Variants in GABRB3 observed in about 807,000 individuals in gnomAD.
GABRB3 encodes gamma-aminobutyric acid receptor subunit beta-3.
A neutral mutation model predicts 52.1 loss-of-function variants in GABRB3; 14 were observed. The observed-to-expected ratio is 0.27, with a 90% confidence interval of 0.18 to 0.42. GABRB3 has a LOEUF of 0.42. Among genes scored for constraint, GABRB3 ranks in the 10% least tolerant of loss-of-function variants. The pLI, the probability that GABRB3 is intolerant of heterozygous loss-of-function variation, is 1.00. For missense variants in GABRB3, 307 were observed against 609.1 expected (o/e 0.50, Z 5.22); for synonymous variants, 260 against 232.3 (o/e 1.12, Z -1.08).
intron 3 of GABRB3, among the ~76,000 whole-genome samples, chr15:26,710,364 T>A (rs1889254089): frequency 6.6e-6 from 1 of 152,142 alleles, no homozygotes; most frequent in South Asian, 2.1e-4. Flanking sequence ...CAGGTTCAAA[T>A]GATTCTTCTG....
chr15:26,575,366 G>A (rs1408922382), intron 6 of GABRB3, among the ~76,000 whole-genome samples: 4 of 152,186 alleles, frequency 2.6e-5, no homozygotes, highest in African/African-American at 4.8e-5. Context: ...CGGCTAGGAA[G>A]CACAGGTGAA....
chr15:26,633,970 G>T (rs929751527), intron 3 of GABRB3, among the ~76,000 whole-genome samples: 1 of 152,202 alleles, frequency 6.6e-6, no homozygotes, highest in Non-Finnish European at 1.5e-5. Flanking sequence ...TCTCTAACTC[G>T]CTCAGTCAGG....
intron 3 of GABRB3, among the ~76,000 whole-genome samples, chr15:26,704,240 T>G (rs1197621364): frequency 6.6e-6 from 1 of 152,212 alleles, no homozygotes; most frequent in Non-Finnish European, 1.5e-5. Flanking sequence ...GTCTGGGAAG[T>G]GCTGTGCCAG....
intron 3 of GABRB3, chr15:26,642,664 C>T (rs1042122776): frequency 2.7e-5 from 11 of 411,794 alleles, no homozygotes; most frequent in African/African-American, 1.0e-4. Flanking sequence ...TGTACCCCCC[C>T]GCACACACAC....
At chr15:26,627,719 AAG>A (rs1892761323) in intron 3 of GABRB3, among the ~76,000 whole-genome samples, 1 of 152,180 alleles carries the variant, frequency 6.6e-6, no homozygotes, top group African/African-American at 2.4e-5. Flanking sequence ...TGGATGAGCA[AAG>A]AGTGGTTTCT....
intron 3 of GABRB3, among the ~76,000 whole-genome samples, chr15:26,694,591 C>T (rs1595534619): frequency 6.6e-6 from 1 of 152,234 alleles, no homozygotes; most frequent in East Asian, 1.9e-4. Flanking sequence ...AAATATAAAG[C>T]CTCACTCTAA....
intron 3 of GABRB3, among the ~76,000 whole-genome samples, chr15:26,672,048 G>GT (rs2140632729): frequency 6.6e-6 from 1 of 152,152 alleles, no homozygotes; most frequent in Admixed American, 6.5e-5. Context: ...TATCCTTCTT[G>GT]TTTTTTCTTA....
In GABRB3 at chr15:26,648,826, C is replaced by T. The variant is rs35774619; in HGVS notation, c.241-27292G>A. ...TGATGGGGAAGGAAAGAACTGACAG[C>T]GGCTGGGATTTTGAGCAGCAGGTGG... is the stretch of plus-strand genomic sequence containing the variant. On this transcript the variant is annotated intron_variant, in intron 3 of 8. Transcript: ENST00000311550. Among the ~76,000 whole-genome samples, 592 of 152,176 alleles carry T rather than the reference C, an allele frequency of 3.9e-3. 3 individuals are homozygous for T. Among genetic ancestry groups the T allele is most frequent in the Non-Finnish European group, 4.9e-3 (335 of 67,996 alleles).
intron 3 of GABRB3, among the ~76,000 whole-genome samples, chr15:26,716,979 C>G (rs561522229): frequency 5.0e-5 from 7 of 139,178 alleles, no homozygotes; most frequent in Admixed American, 2.1e-4. Flanking sequence ...GACAGCCCAG[C>G]TCTGGGGACA....
chr15:26,570,827 T>C (rs912135469), intron 6 of GABRB3, among the ~76,000 whole-genome samples: 3 of 152,126 alleles, frequency 2.0e-5, no homozygotes, highest in Non-Finnish European at 2.9e-5. Flanking sequence ...ATTCATATTA[T>C]TATAATTATA....
At position 26,631,294 on chromosome 15, in the gene GABRB3, C is replaced by T. The variant is rs562799034; in HGVS notation, c.241-9760G>A. On this transcript the variant is annotated intron_variant, in intron 3 of 8. Coordinates refer to ENST00000311550, the MANE Select transcript of GABRB3 (RefSeq NM_000814.6). ...GATGAATTGCAGTAAGACATATAAA[C>T]AACAAAGTTTCTTCCTGCTTTTGCA... Among the ~76,000 whole-genome samples, 4 of 152,194 alleles carry T rather than the reference C, an allele frequency of 2.6e-5. No homozygotes were observed. In the South Asian group the frequency reaches 8.3e-4, roughly 31 times the overall value.
At chr15:26,655,712 A>G (rs1595511711) in intron 3 of GABRB3, among the ~76,000 whole-genome samples, 2 of 151,096 alleles carry the variant, frequency 1.3e-5, no homozygotes, top group Admixed American at 1.3e-4. Context: ...ACTGCACTCC[A>G]GCCTGGGTGA....
At chr15:26,648,177 A>G (rs1887073340) in intron 3 of GABRB3, among the ~76,000 whole-genome samples, 1 of 151,746 alleles carries the variant, frequency 6.6e-6, no homozygotes, top group African/African-American at 2.4e-5. Flanking sequence ...GGCCACCTCC[A>G]TTCTCCTTTC....
intron 8 of GABRB3, among the ~76,000 whole-genome samples, chr15:26,554,302 T>A (rs1229863414): frequency 6.8e-6 from 1 of 147,888 alleles, no homozygotes; most frequent in African/African-American, 2.5e-5. Flanking sequence ...GTGCTGGGAT[T>A]ACAGGCTTGA....
intron 3 of GABRB3, among the ~76,000 whole-genome samples, chr15:26,747,952 CTTTT>C (rs57157481): frequency 1.0e-4 from 9 of 87,444 alleles, no homozygotes; most frequent in African/African-American, 5.0e-4. Context: ...TTTTCAAATG[CTTTT>C]TTTTTTTTTT....
Position 26,561,231 on chromosome 15 carries a change from T to G in GABRB3, c.836-55A>C. On this transcript the variant is annotated intron_variant, in intron 7 of 8. Coordinates refer to ENST00000311550, the MANE Select transcript of GABRB3 (RefSeq NM_000814.6). ...GAAACTTTGCCACATTGGTCTTCACTTTTCACTTTCCTTTTATGTTTTCTC... is the reference window on the plus strand; with the variant it reads ...GAAACTTTGCCACATTGGTCTTCACGTTTCACTTTCCTTTTATGTTTTCTC... The G allele has an allele frequency of 1.9e-6, 3 of 1,607,922 alleles. No individual in the cohort carries two copies. In the South Asian group the frequency reaches 3.3e-5, roughly 18 times the overall value.
At chr15:26,625,063 C>T in intron 3 of GABRB3, 4 of 630,578 alleles carry the variant, frequency 6.3e-6, no homozygotes, top group Non-Finnish European at 7.9e-6. Context: ...ACTCGCTCCT[C>T]ATCCACTCCC....
rs545980443 is a variant in GABRB3 at position 26,708,414 on chromosome 15, A to T, written c.240+63988T>A. 1.1e-4 allele frequency among the ~76,000 whole-genome samples: 16 copies of T among 152,340 alleles called. No homozygotes were observed. The South Asian group carries it at 3.1e-3, about 30-fold the overall frequency. On this transcript the variant is annotated intron_variant, in intron 3 of 8. Transcript: ENST00000311550. ...AGATAGTGCCAAGAAATGGGCAGCT[A>T]CCAGGTGCAGGCACTGTACTAGGCA...
intron 3 of GABRB3, among the ~76,000 whole-genome samples, chr15:26,642,854 A>G (rs966105643): frequency 9.2e-4 from 140 of 152,146 alleles, no homozygotes; most frequent in African/African-American, 3.3e-3. Context: ...CATTTGCCTC[A>G]CCAAGTTTAT....
Sources: allele counts gnomAD v4.1 joint callset (sites outside exome capture counted in the v4.1 genomes callset), GRCh38; gene constraint gnomAD v4.1.1; transcripts MANE v1.5; gene names NCBI Gene and HGNC (gene_info 2026-07-23, HGNC 2026-07-21).